The following NT5DC1 variants were observed in gnomAD, a reference collection of about 807,000 sequenced individuals.
NT5DC1 encodes 5'-nucleotidase domain containing 1, also known as 5'-nucleotidase domain-containing protein 1.
A neutral mutation model predicts 59.4 loss-of-function variants in NT5DC1; 42 were observed. That is an observed-to-expected ratio of 0.71 (90% CI 0.55 to 0.92). The LOEUF (loss-of-function observed/expected upper bound fraction) is 0.92. Among genes scored for constraint, NT5DC1 ranks in the 40% least tolerant of loss-of-function variants. The pLI is 0.00. For missense variants in NT5DC1, 501 were observed against 537.1 expected (o/e 0.93, Z 0.66); for synonymous variants, 172 against 188.1 (o/e 0.91, Z 0.70).
chr6:116,148,996 C>G (rs1779966727), intron 6 of NT5DC1, among the ~76,000 whole-genome samples: 1 of 152,148 alleles, frequency 6.6e-6, no homozygotes, highest in Non-Finnish European at 1.5e-5. Flanking sequence ...TGAGAATTGA[C>G]AATTCTTTGT....
At position 116,113,914 on chromosome 6, in the gene NT5DC1, C is replaced by T. The variant is rs9387384; in HGVS notation, c.365-1777C>T. 5.9e-5 allele frequency among the ~76,000 whole-genome samples: 9 copies of T among 152,254 alleles called. No homozygotes were observed. In the East Asian group the frequency reaches 1.5e-3, roughly 26 times the overall value. ...TGGGTCAGTCTAGTGTCAGGCCAAG[C>T]GATATGACAAAGTGCAGATTAATGA... On this transcript the variant is annotated intron_variant, in intron 4 of 11. Transcript: ENST00000319550.
At chr6:116,106,428 A>C (rs370345284) in intron 2 of NT5DC1, 93 bp downstream of exon 2, 12 of 667,064 alleles carry the variant, frequency 1.8e-5, no homozygotes, top group Middle Eastern at 2.4e-4. Flanking sequence ...TCTTCTAAGA[A>C]GATGGAATGT....
chr6:116,201,842 C>G (rs1481686453), intron 6 of NT5DC1, among the ~76,000 whole-genome samples: 1 of 151,984 alleles, frequency 6.6e-6, no homozygotes, highest in African/African-American at 2.4e-5. Flanking sequence ...ATTGCCTCTA[C>G]TTTTTTAAAT....
At chr6:116,141,890 A>G (rs1452442555) in intron 6 of NT5DC1, among the ~76,000 whole-genome samples, 2 of 93,338 alleles carry the variant, frequency 2.1e-5, no homozygotes, top group African/African-American at 4.0e-5. Flanking sequence ...AAGAAAACAC[A>G]CACACACACA....
intron 6 of NT5DC1, among the ~76,000 whole-genome samples, chr6:116,171,816 G>A (rs1170452833): frequency 6.6e-6 from 1 of 152,212 alleles, no homozygotes; most frequent in Non-Finnish European, 1.5e-5. Flanking sequence ...TTGCATAAAT[G>A]TGCAATTTGT....
rs1206981602 is a variant in NT5DC1, at chr6:116,247,101, A to G, written c.*3077A>G. 1 of 152,168 alleles carries G rather than the reference A, an allele frequency of 6.6e-6. No individual in the cohort carries two copies. Among genetic ancestry groups the G allele is most frequent in the Admixed American group, 6.5e-5 (1 of 15,270 alleles). The allele number at this position is 152,168 out of a possible 1,614,324, so 9.4% of individuals were successfully genotyped here. ...CATGAACCCAAGTTTGATCCTCAAA[A>G]TCACACTTTTAATTACTTGATACAT... On this transcript the variant is annotated 3_prime_UTR_variant, in exon 12 of 12. Coordinates refer to ENST00000319550, the MANE Select transcript of NT5DC1 (RefSeq NM_152729.3).
chr6:116,224,742 C>T (rs1051389013), intron 8 of NT5DC1, among the ~76,000 whole-genome samples: 1 of 152,234 alleles, frequency 6.6e-6, no homozygotes, highest in South Asian at 2.1e-4. Flanking sequence ...CAGGCACCCG[C>T]ATAAGCGGTG....
intron 6 of NT5DC1, among the ~76,000 whole-genome samples, chr6:116,198,558 C>T (rs1781282798): frequency 6.6e-6 from 1 of 151,736 alleles, no homozygotes; most frequent in Non-Finnish European, 1.5e-5. Flanking sequence ...AATGAGACCT[C>T]ATCCCTAGAA....
intron 6 of NT5DC1, among the ~76,000 whole-genome samples, chr6:116,137,873 A>T (rs923649338): frequency 2.0e-5 from 3 of 152,184 alleles, no homozygotes; most frequent in African/African-American, 7.2e-5. Context: ...CAAGGTCAAG[A>T]GTTCGAGACC....
At chr6:116,186,038 A>G (rs1780989310) in intron 6 of NT5DC1, among the ~76,000 whole-genome samples, 1 of 152,020 alleles carries the variant, frequency 6.6e-6, no homozygotes, top group Non-Finnish European at 1.5e-5. Context: ...AGAGCTTCTT[A>G]TAGTGGTTCT....
Position 116,247,336 on chromosome 6 carries a change from G to C in NT5DC1, c.*3312G>C, listed in dbSNP as rs529311575. ...AGTAAAATAGAGATCCAAGAATCAGGAGTCCTAAAGCATATAATGAGTCTG... is the reference window on the plus strand; with the variant it reads ...AGTAAAATAGAGATCCAAGAATCAGCAGTCCTAAAGCATATAATGAGTCTG... On this transcript the variant is annotated 3_prime_UTR_variant, in exon 12 of 12. Coordinates refer to ENST00000319550, the MANE Select transcript of NT5DC1 (RefSeq NM_152729.3). 6.6e-6 allele frequency: 1 copy of C among 152,120 alleles called. No individual in the cohort carries two copies. The highest frequency in any genetic ancestry group is 1.5e-5 in the Non-Finnish European group (1 of 68,002). 9.4% of individuals were successfully genotyped at this position (152,120 alleles called of 1,614,324 possible). A position where few individuals can be genotyped will look rare whatever the true frequency, so the allele number is the denominator to read the frequency against.
chr6:116,165,940 C>T (rs750660724), intron 6 of NT5DC1, among the ~76,000 whole-genome samples: 17 of 152,200 alleles, frequency 1.1e-4, no homozygotes, highest in Non-Finnish European at 2.4e-4. Flanking sequence ...TCTGTCCTCT[C>T]AGCTCAGGCT....
In NT5DC1 at chr6:116,135,852, T is replaced by C. The variant is rs868837494; in HGVS notation, c.529+17907T>C. The stretch of plus-strand genomic sequence containing the variant: ...ATTTTCAGATATATATATATATATA[T>C]ATATATATATATATATATATACACA... On this transcript the variant is annotated intron_variant, in intron 6 of 11. Transcript: ENST00000319550. Among the ~76,000 whole-genome samples the C allele has an allele frequency of 3.2e-3, 375 of 115,662 alleles. 9 individuals carry two copies. The South Asian group carries it at 0.046, about 14-fold the overall frequency. The allele number at this position is 115,662 out of a possible 152,430, so 75.9% of individuals were successfully genotyped here.
chr6:116,103,561 G>A (rs1233469082), intron 1 of NT5DC1, among the ~76,000 whole-genome samples: 1 of 152,082 alleles, frequency 6.6e-6, no homozygotes, highest in East Asian at 1.9e-4. Context: ...TCAGAACCTC[G>A]AGGTGAGCAA....
At chr6:116,192,164 CA>C (rs1781134609) in intron 6 of NT5DC1, among the ~76,000 whole-genome samples, 3 of 151,922 alleles carry the variant, frequency 2.0e-5, no homozygotes. Context: ...GGTGTGAGTT[CA>C]GAGTTAACTG....
intron 6 of NT5DC1, among the ~76,000 whole-genome samples, chr6:116,219,772 G>A (rs991922889): frequency 6.6e-6 from 1 of 151,924 alleles, no homozygotes; most frequent in Non-Finnish European, 1.5e-5. Context: ...GACCATTCTG[G>A]CAAACATGGT....
In NT5DC1 at chr6:116,247,594, A is replaced by G. The variant is rs1167330971; in HGVS notation, c.*3570A>G. 1 of 152,216 alleles carries G rather than the reference A, an allele frequency of 6.6e-6. No homozygotes were observed. Among genetic ancestry groups the G allele is most frequent in the Non-Finnish European group, 1.5e-5 (1 of 68,030 alleles). The allele number at this position is 152,216 out of a possible 1,614,324, so 9.4% of individuals were successfully genotyped here. A position where few individuals can be genotyped will look rare whatever the true frequency, so the allele number is the denominator to read the frequency against. The stretch of plus-strand genomic sequence containing the variant: ...TACTTAGAATGACAACTGGAAAAGT[A>G]CATAGACTGCTTGCCAATCAGTTTG... On this transcript the variant is annotated 3_prime_UTR_variant, in exon 12 of 12. Transcript: ENST00000319550.
chr6:116,133,894 T>C (rs923185659), intron 6 of NT5DC1, among the ~76,000 whole-genome samples: 3 of 152,218 alleles, frequency 2.0e-5, no homozygotes, highest in African/African-American at 7.2e-5. Context: ...AAAATGTATA[T>C]ACTATAGAGA....
chr6:116,171,454 G>A (rs1382361772), intron 6 of NT5DC1, among the ~76,000 whole-genome samples: 1 of 152,162 alleles, frequency 6.6e-6, no homozygotes, highest in Non-Finnish European at 1.5e-5. Flanking sequence ...AGTGTTAGTG[G>A]TGGTAAAGAT....
Sources: gnomAD v4.1 joint callset for allele counts (sites outside exome capture counted in the v4.1 genomes callset) on GRCh38, gnomAD v4.1.1 for gene constraint, MANE v1.5 for transcripts, NCBI Gene and HGNC (gene_info 2026-07-23, HGNC 2026-07-21) for gene names.